Variants in AKAP6 observed in about 807,000 individuals in gnomAD.
AKAP6 encodes the protein A-kinase anchoring protein 6, also known as A-kinase anchor protein 6.
In AKAP6, 58 loss-of-function variants were observed where a neutral mutation model predicts 188.5. That is an observed-to-expected ratio of 0.31 (90% CI 0.25 to 0.38). The LOEUF (loss-of-function observed/expected upper bound fraction) is 0.38. Among genes scored for constraint, AKAP6 ranks in the 10% least tolerant of loss-of-function variants. The pLI, the probability that AKAP6 is intolerant of heterozygous loss-of-function variation, is 1.00. For synonymous variants in AKAP6, 989 were observed against 998.6 expected (o/e 0.99, Z 0.18); for missense variants, 2,710 against 2,740.0 (o/e 0.99, Z 0.24).
intron 11 of AKAP6, among the ~76,000 whole-genome samples, chr14:32,769,911 A>G (rs1192895419): frequency 4.6e-5 from 7 of 152,212 alleles, no homozygotes; most frequent in African/African-American, 1.4e-4. Context: ...ACAAGTAAAT[A>G]TAAGTAAATA....
chr14:32,805,584 A>C (rs1348139026), intron 12 of AKAP6, among the ~76,000 whole-genome samples: 1 of 152,238 alleles, frequency 6.6e-6, no homozygotes, highest in Non-Finnish European at 1.5e-5. Context: ...ATGGATATTA[A>C]GCCTCAGTAT....
At chr14:32,601,087 G>A (rs1033975842) in intron 7 of AKAP6, among the ~76,000 whole-genome samples, 3 of 152,204 alleles carry the variant, frequency 2.0e-5, no homozygotes, top group Non-Finnish European at 4.4e-5. Context: ...AAAACATAAA[G>A]CATCTTTAAC....
intron 7 of AKAP6, among the ~76,000 whole-genome samples, chr14:32,642,520 A>G (rs1268462257): frequency 6.6e-6 from 1 of 152,126 alleles, no homozygotes; most frequent in Non-Finnish European, 1.5e-5. Flanking sequence ...CACTAAGTTG[A>G]TTTATTTTTT....
intron 11 of AKAP6, among the ~76,000 whole-genome samples, chr14:32,771,209 A>C (rs1003389313): frequency 6.6e-6 from 1 of 152,130 alleles, no homozygotes; most frequent in East Asian, 1.9e-4. Flanking sequence ...ATAAAAAAGT[A>C]CTGAAAAATA....
chr14:32,713,461 AT>A (rs34893013), intron 9 of AKAP6, among the ~76,000 whole-genome samples: 108,178 of 151,006 alleles, frequency 0.72, 40,098 homozygotes, highest in South Asian at 0.83. Context: ...CCTAGATGGC[AT>A]TTTTTTTTTT....
At chr14:32,355,543 A>G (rs1297776200) in intron 1 of AKAP6, among the ~76,000 whole-genome samples, 3 of 152,186 alleles carry the variant, frequency 2.0e-5, no homozygotes, top group Admixed American at 2.0e-4. Context: ...AAAAAATCAA[A>G]ATATGCTGAA....
intron 7 of AKAP6, among the ~76,000 whole-genome samples, chr14:32,643,423 T>C (rs930036157): frequency 6.6e-6 from 1 of 152,036 alleles, no homozygotes; most frequent in African/African-American, 2.4e-5. Flanking sequence ...TTCTCCCGCC[T>C]CAGCCTCCTG....
In AKAP6 at chr14:32,362,905, G is replaced by A. The variant is rs534719372; in HGVS notation, c.-35+33497G>A. On this transcript the variant is annotated intron_variant, in intron 1 of 13. Coordinates refer to ENST00000280979, the MANE Select transcript of AKAP6 (RefSeq NM_004274.5). ...AAGACAAGGGCTGGCATGAGGTTGT[G>A]ACTTTGGGGCTGGAGAGCAGTAGAG... is the stretch of plus-strand genomic sequence containing the variant. 3.3e-5 allele frequency among the ~76,000 whole-genome samples: 5 copies of A among 152,298 alleles called. No individual in the cohort carries two copies. The South Asian group carries it at 8.3e-4, about 25-fold the overall frequency.
At chr14:32,394,300 C>G (rs553599549) in intron 1 of AKAP6, among the ~76,000 whole-genome samples, 28 of 152,236 alleles carry the variant, frequency 1.8e-4, no homozygotes, top group Admixed American at 5.9e-4. Flanking sequence ...GATATGTTCT[C>G]TGATTGCTTG....
chr14:32,830,115 A>T lies in AKAP6; in HGVS notation c.*310A>T, dbSNP rs2034791006. On this transcript the variant is annotated 3_prime_UTR_variant, in exon 14 of 14. Coordinates refer to ENST00000280979, the MANE Select transcript of AKAP6 (RefSeq NM_004274.5). ...CTACCAACCCTCTCTCTCCAGCTAG[A>T]CTTTTCTCTTTGCCTCCTCCCTTCC... 4 of 592,820 alleles carry T rather than the reference A, an allele frequency of 6.7e-6. No homozygotes were observed. Among genetic ancestry groups the T allele is most frequent in the Non-Finnish European group, 1.2e-5 (4 of 332,286 alleles). 36.7% of individuals were successfully genotyped at this position (592,820 alleles called of 1,614,324 possible).
At chr14:32,547,872 C>T (rs1213017636) in intron 4 of AKAP6, among the ~76,000 whole-genome samples, 7 of 151,814 alleles carry the variant, frequency 4.6e-5, no homozygotes, top group African/African-American at 1.7e-4. Flanking sequence ...CAGGACTGAG[C>T]TCCATAGTAT....
At chr14:32,488,965 T>G (rs1879853191) in intron 2 of AKAP6, among the ~76,000 whole-genome samples, 1 of 152,208 alleles carries the variant, frequency 6.6e-6, no homozygotes, top group African/African-American at 2.4e-5. Flanking sequence ...CGGCCATCTT[T>G]CCCGGTAATC....
At chr14:32,771,377 C>T (rs996407141) in intron 11 of AKAP6, among the ~76,000 whole-genome samples, 18 of 150,026 alleles carry the variant, frequency 1.2e-4, no homozygotes, top group African/African-American at 3.9e-4. Context: ...TGTGAATATC[C>T]AAAAATCAGA....
At chr14:32,718,236 A>T (rs774530804) in intron 9 of AKAP6, 4 of 970,172 alleles carry the variant, frequency 4.1e-6, no homozygotes, top group Non-Finnish European at 4.9e-6. Flanking sequence ...AACTTTCCCC[A>T]TGGGCTTGCC....
chr14:32,362,524 C>A (rs1409346677), intron 1 of AKAP6, among the ~76,000 whole-genome samples: 1 of 152,072 alleles, frequency 6.6e-6, no homozygotes, highest in Admixed American at 6.6e-5. Context: ...TGTGTGCATG[C>A]TTGTATGTAT....
chr14:32,813,393 C>CCT (rs1555365138), intron 12 of AKAP6, among the ~76,000 whole-genome samples: 2 of 114,648 alleles, frequency 1.7e-5, no homozygotes, highest in Admixed American at 1.7e-4. Context: ...AACCCTACCC[C>CCT]CCCCCCCAAC....
At chr14:32,748,095 T>C (rs571383773) in intron 11 of AKAP6, among the ~76,000 whole-genome samples, 4 of 152,346 alleles carry the variant, frequency 2.6e-5, no homozygotes, top group African/African-American at 9.6e-5. Flanking sequence ...TACTCTTAAC[T>C]GATCTCTTAA....
chr14:32,586,370 G>A (rs1301646660), intron 5 of AKAP6, among the ~76,000 whole-genome samples: 2 of 152,178 alleles, frequency 1.3e-5, no homozygotes, highest in African/African-American at 4.8e-5. Context: ...GCTAATGCCT[G>A]TAATCCTAGC....
chr14:32,355,614 A>G (rs1176227737), intron 1 of AKAP6, among the ~76,000 whole-genome samples: 2 of 152,242 alleles, frequency 1.3e-5, no homozygotes, highest in Admixed American at 1.3e-4. Flanking sequence ...TTTTTTATTA[A>G]CACAATAGAC....
Sources: allele counts gnomAD v4.1 joint callset (sites outside exome capture counted in the v4.1 genomes callset), GRCh38; gene constraint gnomAD v4.1.1; transcripts MANE v1.5; gene names NCBI Gene and HGNC (gene_info 2026-07-23, HGNC 2026-07-21).